DNAH8: variants seen among roughly 807,000 people sequenced by gnomAD.
DNAH8 encodes the protein axonemal beta dynein heavy chain 8.
In DNAH8, 382 loss-of-function variants were observed where a neutral mutation model predicts 562.1. The observed-to-expected ratio is 0.68, with a 90% CI of 0.63 to 0.74. The LOEUF (loss-of-function observed/expected upper bound fraction) is 0.74. Among genes scored for constraint, DNAH8 ranks in the 30% least tolerant of loss-of-function variants. The probability of loss-of-function intolerance (pLI) is 0.00; values close to 1 mark genes in which losing one functional copy is unlikely to be tolerated. For missense variants in DNAH8, 5,203 were observed against 5,620.4 expected (o/e 0.93, Z 2.37); for synonymous variants, 1,881 against 1,919.4 (o/e 0.98, Z 0.52).
chr6:38,787,600 G>A (rs552857823), intron 18 of DNAH8, among the ~76,000 whole-genome samples: 1 of 151,190 alleles, frequency 6.6e-6, no homozygotes, highest in Admixed American at 6.6e-5. Flanking sequence ...GGAGGCTGAG[G>A]CAGGAGAATT....
At chr6:39,004,034 A>G (rs1441143327) in intron 88 of DNAH8, among the ~76,000 whole-genome samples, 1 of 151,596 alleles carries the variant, frequency 6.6e-6, no homozygotes, top group Non-Finnish European at 1.5e-5. Flanking sequence ...CTGTTCTTTT[A>G]CCAGTTACCC....
At chr6:38,823,711 G>A in intron 28 of DNAH8, 23 bp downstream of exon 28, 1 of 1,550,924 alleles carries the variant, frequency 6.4e-7, no homozygotes, top group Non-Finnish European at 8.8e-7. Flanking sequence ...TGTTTATTAT[G>A]TAAAGTATCT....
chr6:38,824,821 G>T (rs1051806063), intron 28 of DNAH8, among the ~76,000 whole-genome samples: 3 of 152,066 alleles, frequency 2.0e-5, no homozygotes, highest in African/African-American at 7.2e-5. Flanking sequence ...TATCTACCAA[G>T]GAAGTACTTG....
intron 8 of DNAH8, among the ~76,000 whole-genome samples, chr6:38,746,265 T>C (rs1441077599): frequency 3.3e-5 from 5 of 152,224 alleles, no homozygotes. Flanking sequence ...AGTTTGTTGC[T>C]CAAATTGTTT....
chr6:38,743,666 T>G (rs1239913414), intron 8 of DNAH8, among the ~76,000 whole-genome samples: 2 of 152,238 alleles, frequency 1.3e-5, no homozygotes, highest in African/African-American at 4.8e-5. Flanking sequence ...CTTAGCATAA[T>G]GTTTTCAAGT....
intron 91 of DNAH8, 113 bp downstream of exon 91, chr6:39,012,750 G>A (rs1183730734): frequency 1.4e-6 from 1 of 712,068 alleles, no homozygotes; most frequent in African/African-American, 1.8e-5. Flanking sequence ...CTTGCTGGGT[G>A]CTGCACATAG....
chr6:38,844,549 C>T (rs1219639757), intron 35 of DNAH8, among the ~76,000 whole-genome samples: 2 of 152,184 alleles, frequency 1.3e-5, no homozygotes, highest in Non-Finnish European at 2.9e-5. Flanking sequence ...TGGTGACCAT[C>T]TCCTTCTTAT....
intron 82 of DNAH8, among the ~76,000 whole-genome samples, chr6:38,968,744 G>T (rs1763142034): frequency 6.6e-6 from 1 of 152,132 alleles, no homozygotes; most frequent in African/African-American, 2.4e-5. Context: ...GAAAGTTAAA[G>T]ATAGGGTTAC....
At chr6:38,950,979 T>C (rs1007506702) in intron 81 of DNAH8, among the ~76,000 whole-genome samples, 1 of 152,152 alleles carries the variant, frequency 6.6e-6, no homozygotes, top group Non-Finnish European at 1.5e-5. Flanking sequence ...CCCACTTACT[T>C]TGGGCATCTT....
intron 25 of DNAH8, 142 bp downstream of exon 25, chr6:38,814,271 T>A: frequency 6.6e-6 from 4 of 605,348 alleles, no homozygotes; most frequent in South Asian, 2.2e-5. Context: ...AAATGTCATT[T>A]ATATCTGTTA....
intron 30 of DNAH8, among the ~76,000 whole-genome samples, chr6:38,832,108 T>C (rs534145643): frequency 3.3e-5 from 5 of 152,186 alleles, no homozygotes; most frequent in Non-Finnish European, 7.3e-5. Flanking sequence ...CAGAAACAGT[T>C]ACAGAGAAAT....
rs762918029 is a variant in DNAH8, at chr6:38,723,332, C to T, written c.391-5C>T. The T allele has an allele frequency of 4.4e-6, 7 of 1,594,488 alleles. No homozygotes were observed. Among genetic ancestry groups the T allele is most frequent in the Middle Eastern group, 1.7e-4 (1 of 5,954 alleles). On this transcript the variant is annotated splice_region_variant and splice_polypyrimidine_tract_variant and intron_variant, in intron 2 of 92. Coordinates refer to ENST00000327475, the MANE Select transcript of DNAH8 (RefSeq NM_001206927.2). Reference sequence around the variant, plus strand: ...CAATTTTTGAACTTGGTTTTCATTCCTTAGGCAAGATTTAGAGAGGCAAGG... The same window carrying T: ...CAATTTTTGAACTTGGTTTTCATTCTTTAGGCAAGATTTAGAGAGGCAAGG...
At chr6:38,998,753 G>A (rs1765301082) in intron 88 of DNAH8, among the ~76,000 whole-genome samples, 1 of 152,034 alleles carries the variant, frequency 6.6e-6, no homozygotes, top group Admixed American at 6.5e-5. Context: ...AAGCTACAAG[G>A]GCAATCTGAG....
rs752517039 is a variant in DNAH8, at chr6:38,750,633, C to G, written c.1407+44C>G. On this transcript the variant is annotated intron_variant, in intron 9 of 92. Transcript: ENST00000327475. ...TACAATTTTAAACTGAGGGCAGTGG[C>G]TCGCATCTGTGATTCTAGCTACTCA... 1.3e-5 allele frequency: 16 copies of G among 1,226,158 alleles called. No individual in the cohort carries two copies. In the East Asian group the frequency reaches 3.8e-4, roughly 29 times the overall value. The allele number at this position is 1,226,158 out of a possible 1,614,324, so 76.0% of individuals were successfully genotyped here.
In DNAH8 at chr6:38,968,809, T is replaced by C. The variant is rs371374248; in HGVS notation, c.12452-2783T>C. On this transcript the variant is annotated intron_variant, in intron 82 of 92. Coordinates refer to ENST00000327475, the MANE Select transcript of DNAH8 (RefSeq NM_001206927.2). ...ATATACCCCCAAAAAACTGAAAATA[T>C]ACATCCACCCAAAAACTTGTATGTG... Among the ~76,000 whole-genome samples the C allele has an allele frequency of 7.1e-4, 108 of 152,240 alleles. 2 individuals are homozygous for C. In the South Asian group the frequency reaches 0.021, roughly 30 times the overall value.
At position 38,938,893 on chromosome 6, in the gene DNAH8, A is replaced by T; in HGVS notation, c.11912A>T (p.Glu3971Val). The T allele has an allele frequency of 6.2e-7, 1 of 1,613,896 alleles. No homozygotes were observed. The highest frequency in any genetic ancestry group is 1.1e-5 in the South Asian group (1 of 91,060). ...ACATACTCTGTCAGAGGCCTATACGAAAACCACAAATTCCTGTTTGTACTC... is the reference window on the plus strand; with the variant it reads ...ACATACTCTGTCAGAGGCCTATACGTAAACCACAAATTCCTGTTTGTACTC... ...VFTYSVRGLY[E>V]NHKFLFVLLM... Residue 3971 changes from glutamate to valine, a missense_variant, in exon 79 of 93, where the codon GAA (glutamate) becomes GTA (valine). Transcript: ENST00000327475.
At chr6:38,790,264 G>A (rs543200987) in intron 19 of DNAH8, 25 bp from the exon 20 acceptor site, 1 of 1,212,944 alleles carries the variant, frequency 8.2e-7, no homozygotes, top group South Asian at 1.2e-5. Context: ...GATAATAGAA[G>A]CAGTTGTGTT....
At chr6:38,993,652 T>C (rs999972434) in intron 88 of DNAH8, among the ~76,000 whole-genome samples, 3 of 150,938 alleles carry the variant, frequency 2.0e-5, no homozygotes, top group Admixed American at 6.7e-5. Context: ...TATTACCCTT[T>C]CTTATACAAA....
intron 12 of DNAH8, among the ~76,000 whole-genome samples, chr6:38,773,744 G>A (rs187688770): frequency 2.6e-5 from 4 of 152,320 alleles, no homozygotes; most frequent in African/African-American, 9.6e-5. Context: ...TCCACAAGAG[G>A]TGGTTACTGA....
Sources: gnomAD v4.1 joint callset for allele counts (sites outside exome capture counted in the v4.1 genomes callset) on GRCh38, gnomAD v4.1.1 for gene constraint, MANE v1.5 for transcripts, NCBI Gene and HGNC (gene_info 2026-07-23, HGNC 2026-07-21) for gene names.